PRXL2C: variants seen among roughly 807,000 people sequenced by gnomAD.
PRXL2C encodes peroxiredoxin-like 2C.
Under a neutral mutation model 24.9 loss-of-function variants are expected in PRXL2C, and 38 were observed. That is an observed-to-expected ratio of 1.53 (90% CI 1.18 to 2.00). The LOEUF is 2.00. Ranked by LOEUF, PRXL2C falls within the 30% of genes most tolerant of loss-of-function variation. The pLI, the probability that PRXL2C is intolerant of heterozygous loss-of-function variation, is 0.00. For synonymous variants in PRXL2C, 98 were observed against 117.2 expected, an observed-to-expected ratio of 0.84 and a Z score of 1.06; for missense variants, 294 against 290.9, an observed-to-expected ratio of 1.01 and a Z score of -0.08.
chr9:96,645,773 G>A (rs900123970), intron 5 of PRXL2C, 120 bp downstream of exon 5: 210 of 1,194,258 alleles, frequency 1.8e-4, no homozygotes, highest in Non-Finnish European at 1.1e-4. Flanking sequence ...CTCCAGCCTT[G>A]GCGACAGAGC....
At chr9:96,648,731 G>A (rs921230441) in intron 4 of PRXL2C, among the ~76,000 whole-genome samples, 1 of 152,080 alleles carries the variant, frequency 6.6e-6, no homozygotes, top group Non-Finnish European at 1.5e-5. Flanking sequence ...ACAATGAATA[G>A]TGAGGTGTTA....
At chr9:96,649,757 C>T (rs1342281191) in intron 4 of PRXL2C, among the ~76,000 whole-genome samples, 2 of 152,004 alleles carry the variant, frequency 1.3e-5, no homozygotes, top group South Asian at 2.1e-4. Context: ...CCAATCCCTG[C>T]TCCACATGGG....
intron 2 of PRXL2C, 55 bp from the exon 3 acceptor site, chr9:96,651,767 A>G (rs1848269812): frequency 6.8e-7 from 1 of 1,460,748 alleles, no homozygotes; most frequent in Non-Finnish European, 9.5e-7. Context: ...CATGTTTTAT[A>G]CAACATCCCT....
intron 5 of PRXL2C, 81 bp downstream of exon 5, chr9:96,645,812 G>GGAAAA: frequency 1.5e-6 from 2 of 1,339,266 alleles, no homozygotes; most frequent in Non-Finnish European, 2.0e-6. Flanking sequence ...AAAAAAAAAA[G>GGAAAA]GAAAAGAAAA....
At position 96,640,482 on chromosome 9, in the gene PRXL2C, A is replaced by G. The variant is rs1341932421; in HGVS notation, c.*1277T>C. On this transcript the variant is annotated 3_prime_UTR_variant, in exon 6 of 6. Transcript: ENST00000375234. ...CAGTGAGCTGAGATTGAGCCATTGC[A>G]CTCCAGCCTGGGCGACAGAGCAAGA... is the stretch of plus-strand genomic sequence containing the variant. 1 of 122,080 alleles carries G rather than the reference A, an allele frequency of 8.2e-6. No homozygotes were observed. Among genetic ancestry groups the G allele is most frequent in the Non-Finnish European group, 1.6e-5 (1 of 63,392 alleles). 7.6% of individuals were successfully genotyped at this position (122,080 alleles called of 1,614,324 possible).
chr9:96,653,159 G>A lies in PRXL2C; in HGVS notation c.262-1447C>T, dbSNP rs534808857. On this transcript the variant is annotated intron_variant, in intron 2 of 5. Coordinates refer to ENST00000375234, the MANE Select transcript of PRXL2C (RefSeq NM_153698.2). ...GGAGAATGGCGTGAACCCGGGAGGC[G>A]GAGCTTGCAGTGAGCTGAGATCGCG... Among the ~76,000 whole-genome samples, 5 of 151,968 alleles carry A rather than the reference G, an allele frequency of 3.3e-5. 1 individual carries two copies. The South Asian group carries it at 6.2e-4, about 19-fold the overall frequency.
chr9:96,652,998 C>T (rs1432893330), intron 2 of PRXL2C, among the ~76,000 whole-genome samples: 3 of 151,928 alleles, frequency 2.0e-5, no homozygotes, highest in African/African-American at 2.4e-5. Flanking sequence ...GAGGCCAAGG[C>T]GGGCAGATCA....
chr9:96,655,052 T>A lies in PRXL2C; in HGVS notation c.192+38A>T, dbSNP rs771491568. On this transcript the variant is annotated intron_variant, in intron 1 of 5. Transcript: ENST00000375234. ...CATCCCGGCAGCCTGCCCGGGACCCTGGGCCGCGCTTCCCTTCCAGCCCCG... is the reference window on the plus strand; with the variant it reads ...CATCCCGGCAGCCTGCCCGGGACCCAGGGCCGCGCTTCCCTTCCAGCCCCG... 13 of 1,456,812 alleles carry A rather than the reference T, an allele frequency of 8.9e-6. No homozygotes were observed. In the African/African-American group the frequency reaches 1.9e-4, roughly 22 times the overall value. The allele number at this position is 1,456,812 out of a possible 1,614,324, so 90.2% of individuals were successfully genotyped here.
chr9:96,654,348 G>C (rs889897194), intron 2 of PRXL2C, among the ~76,000 whole-genome samples: 1 of 152,140 alleles, frequency 6.6e-6, no homozygotes. Context: ...GCACCTTTAC[G>C]ATATATTAGT....
chr9:96,642,648 C>T (rs775220259), intron 5 of PRXL2C, among the ~76,000 whole-genome samples: 1 of 151,134 alleles, frequency 6.6e-6, no homozygotes, highest in Admixed American at 6.6e-5. Flanking sequence ...TGGGTTCAAG[C>T]GATTCTCTTG....
At chr9:96,654,597 G>A (rs903835930) in intron 2 of PRXL2C, 108 bp downstream of exon 2, 9 of 958,686 alleles carry the variant, frequency 9.4e-6, no homozygotes, top group African/African-American at 6.6e-5. Flanking sequence ...AGAGCTGCGG[G>A]GAGGGGCAAT....
intron 1 of PRXL2C, 103 bp from the exon 2 acceptor site, chr9:96,654,876 C>T (rs2119196596): frequency 7.6e-7 from 1 of 1,307,530 alleles, no homozygotes. Flanking sequence ...AAGGCGACGC[C>T]CGCGGGGCCG....
intron 4 of PRXL2C, among the ~76,000 whole-genome samples, chr9:96,646,259 A>T (rs2119179155): frequency 6.6e-6 from 1 of 152,296 alleles, no homozygotes; most frequent in Non-Finnish European, 1.5e-5. Flanking sequence ...AGTTGTAAAA[A>T]CCAAAAATGT....
At position 96,654,691 on chromosome 9, in the gene PRXL2C, G is replaced by A. The variant is rs1188811816; in HGVS notation, c.261+14C>T. 2 of 1,555,666 alleles carry A rather than the reference G, an allele frequency of 1.3e-6. No homozygotes were observed. Among genetic ancestry groups the A allele is most frequent in the South Asian group, 1.2e-5 (1 of 84,150 alleles). ...CAGAAGCGGGCACTGGGCCGCCCAC[G>A]CTGGGAAACTCACTTGTAAGAAACT... On this transcript the variant is annotated intron_variant, in intron 2 of 5. Transcript: ENST00000375234.
intron 5 of PRXL2C, among the ~76,000 whole-genome samples, chr9:96,643,297 G>C (rs564354904): frequency 1.3e-5 from 2 of 152,254 alleles, no homozygotes; most frequent in African/African-American, 4.8e-5. Flanking sequence ...CCAGGCTGTA[G>C]TGCAGTGGTG....
rs1175075326 is a variant in PRXL2C at position 96,654,764 on chromosome 9, A to G, written c.202T>C (p.Cys68Arg). 2 of 1,563,618 alleles carry G rather than the reference A, an allele frequency of 1.3e-6. No individual in the cohort carries two copies. Among genetic ancestry groups the G allele is most frequent in the Admixed American group, 3.8e-5 (2 of 52,374 alleles). The part of the protein sequence containing the change: ...AVVVFVRHFL[C>R]YICKEYVEDL... ...TCTACGTATTCCTTGCAGATGTAAC[A>G]CAGGAAATGCTGAAAGCCAAAACGG... Residue 68 changes from cysteine (C) to arginine (R), a missense_variant, in exon 2 of 6, where the codon TGT (cysteine) becomes CGT (arginine). Cys to Arg is a radical substitution (Grantham distance 180). Transcript: ENST00000375234.
intron 2 of PRXL2C, among the ~76,000 whole-genome samples, chr9:96,652,928 T>A (rs201459423): frequency 6.6e-6 from 1 of 152,130 alleles, no homozygotes; most frequent in African/African-American, 2.4e-5. Flanking sequence ...TGGATAAATA[T>A]AAAGAAAATG....
intron 5 of PRXL2C, among the ~76,000 whole-genome samples, chr9:96,643,576 A>T (rs899288050): frequency 6.6e-6 from 1 of 152,186 alleles, no homozygotes; most frequent in Non-Finnish European, 1.5e-5. Flanking sequence ...ACAACAGAAG[A>T]TGTGGACAAA....
chr9:96,651,594 ATAATGTAATTTT>A, intron 3 of PRXL2C, 53 bp downstream of exon 3: 1 of 1,554,724 alleles, frequency 6.4e-7, no homozygotes, highest in Non-Finnish European at 8.8e-7. Context: ...AGTGGTTTAA[ATAATGTAATTTT>A]TATGTCTGAA....
Sources: allele counts gnomAD v4.1 joint callset (sites outside exome capture counted in the v4.1 genomes callset), GRCh38; gene constraint gnomAD v4.1.1; transcripts MANE v1.5; gene names NCBI Gene and HGNC (gene_info 2026-07-23, HGNC 2026-07-21).